Variants in TMEM74B observed in about 807,000 individuals in gnomAD.
TMEM74B encodes the protein transmembrane protein 74B.
Under a neutral mutation model 6.5 loss-of-function variants are expected in TMEM74B, and 7 were observed. The ratio of observed to expected loss-of-function variants is 1.07; its 90% confidence interval spans 0.61 to 2.01. The LOEUF (loss-of-function observed/expected upper bound fraction) is 2.01, where lower values mean the gene tolerates loss of function less well. TMEM74B is among the 30% of genes most tolerant of loss of function. The probability of loss-of-function intolerance (pLI) is 0.00; values close to 1 mark genes in which losing one functional copy is unlikely to be tolerated. For missense variants in TMEM74B, 342 were observed against 337.0 expected, an observed-to-expected ratio of 1.01 and a Z score of -0.12; for synonymous variants, 151 against 151.6, an observed-to-expected ratio of 1.00 and a Z score of 0.03.
chr20:1,182,978 C>T (rs960542795), intron 2 of TMEM74B, among the ~76,000 whole-genome samples: 6 of 152,198 alleles, frequency 3.9e-5, no homozygotes, highest in Admixed American at 2.0e-4. Context: ...TTGTAACACT[C>T]GCCTGGAGTT....
At chr20:1,188,411 T>TACACAC (rs71327492), upstream of TMEM74B, among the ~76,000 whole-genome samples, 2 of 145,902 alleles carry the variant, frequency 1.4e-5, no homozygotes, top group Admixed American at 6.9e-5. Context: ...AAAGAAATGC[T>TACACAC]ACACACACAC....
Position 1,184,096 on chromosome 20 carries a change from C to A in TMEM74B, c.-147-148G>T. ...TGCTCAGAAGTGGCCCCCACCCACA[C>A]CCTCAGCACCTTCCACCCAACTCAG... On this transcript the variant is annotated intron_variant, in intron 1 of 2. Transcript: ENST00000429036. This position sits in a 1 kb window ranked among gnomAD's most constrained non-coding sequence, Gnocchi z 6.0. 1 of 361,806 alleles carries A rather than the reference C, an allele frequency of 2.8e-6. No individual in the cohort carries two copies. Among genetic ancestry groups the A allele is most frequent in the South Asian group, 3.6e-5 (1 of 27,600 alleles). The allele number at this position is 361,806 out of a possible 1,614,324, so 22.4% of individuals were successfully genotyped here. A position where few individuals can be genotyped will look rare whatever the true frequency, so the allele number is the denominator to read the frequency against.
intron 2 of TMEM74B, among the ~76,000 whole-genome samples, chr20:1,183,298 GTGTGTGTGTGTGTGTGTT>G (rs1555769570): frequency 1.3e-5 from 2 of 149,828 alleles, no homozygotes; most frequent in Admixed American, 6.8e-5. Context: ...CTCTGTGTGT[GTGTGTGTGTGTGTGTGTT>G]TGTGTGTGTG....
At position 1,181,255 on chromosome 20, in the gene TMEM74B, C is replaced by G; in HGVS notation, c.364G>C (p.Gly122Arg). 1 of 1,614,058 alleles carries G rather than the reference C, an allele frequency of 6.2e-7. No homozygotes were observed. Among genetic ancestry groups the G allele is most frequent in the Non-Finnish European group, 8.5e-7 (1 of 1,179,980 alleles). ...LEPVSRPVDY[G>R]FVSALVFLVS... ...AGGAAAACGAGGGCGGAAACAAAGCCATAATCCACCGGGCGGCTCACGGGC... is the reference window on the plus strand; with the variant it reads ...AGGAAAACGAGGGCGGAAACAAAGCGATAATCCACCGGGCGGCTCACGGGC... Residue 122 changes from glycine to arginine, a missense_variant, in exon 3 of 3, where the codon GGC becomes CGC. Gly to Arg is a moderately radical substitution (Grantham distance 125, BLOSUM62 -2). Transcript: ENST00000429036. The surrounding 1 kb of genome is among the most constrained non-coding windows in gnomAD (Gnocchi z 4.9).
Position 1,181,065 on chromosome 20 carries a change from G to C in TMEM74B, c.554C>G (p.Thr185Arg). Reference sequence around the variant, plus strand: ...CACCGACAAGAGCATGCCGCCCACCGTGAGCAGCCCGAGGCCTGCGATGAT... The same window carrying C: ...CACCGACAAGAGCATGCCGCCCACCCTGAGCAGCCCGAGGCCTGCGATGAT... Reference protein sequence around the residue: ...RCIIAGLGLLTVGGMLLSVLL... With the variant: ...RCIIAGLGLLRVGGMLLSVLL... The change falls in exon 3 of 3, where the codon ACG becomes AGG. Residue 185 changes from threonine to arginine, a missense_variant. By Grantham distance (71) the Thr-to-Arg change is moderately conservative. Coordinates refer to ENST00000429036, the MANE Select transcript of TMEM74B (RefSeq NM_001304748.2). This position sits in a 1 kb window ranked among gnomAD's most constrained non-coding sequence, Gnocchi z 4.9. 6.2e-7 allele frequency: 1 copy of C among 1,613,644 alleles called. No individual in the cohort carries two copies. Among genetic ancestry groups the C allele is most frequent in the Non-Finnish European group, 8.5e-7 (1 of 1,179,888 alleles).
chr20:1,185,062 C>G (rs1355835167), upstream of TMEM74B: 1 of 152,232 alleles, frequency 6.6e-6, no homozygotes, highest in Non-Finnish European at 1.5e-5. Flanking sequence ...TCAGGCTCGC[C>G]GTCCTTCGCC....
At chr20:1,186,973 G>A (rs2122699256), upstream of TMEM74B, among the ~76,000 whole-genome samples, 1 of 152,350 alleles carries the variant, frequency 6.6e-6, no homozygotes, top group South Asian at 2.1e-4. Context: ...TGTAGGAAGT[G>A]TTATGGGAAT....
chr20:1,183,701 T>C, intron 2 of TMEM74B, 70 bp downstream of exon 2: 4 of 1,574,234 alleles, frequency 2.5e-6, no homozygotes, highest in Non-Finnish European at 3.5e-6. Flanking sequence ...CAAGATCCCA[T>C]GGCATGTATG....
upstream of TMEM74B, among the ~76,000 whole-genome samples, chr20:1,189,005 G>A (rs997982882): frequency 6.7e-5 from 10 of 149,064 alleles, no homozygotes; most frequent in Non-Finnish European, 9.0e-5. This position sits in a 1 kb window ranked among gnomAD's most constrained non-coding sequence, Gnocchi z 4.5. Context: ...GGGGGCGGGG[G>A]CAGGTGGGAA....
In TMEM74B at chr20:1,183,879, T is replaced by G; in HGVS notation, c.-78A>C. The stretch of plus-strand genomic sequence containing the variant: ...TTATCCAGCTGTTTATCAGCAACCG[T>G]GAGCACCTTGAGAGCAGGCATAAGT... On this transcript the variant is annotated 5_prime_UTR_variant, in exon 2 of 3. Coordinates refer to ENST00000429036, the MANE Select transcript of TMEM74B (RefSeq NM_001304748.2). The G allele has an allele frequency of 1.3e-6, 2 of 1,555,720 alleles. No individual in the cohort carries two copies. The highest frequency in any genetic ancestry group is 1.8e-6 in the Non-Finnish European group (2 of 1,134,464).
chr20:1,180,747 A>G lies in TMEM74B; in HGVS notation c.*101T>C. 1 of 1,476,290 alleles carries G rather than the reference A, an allele frequency of 6.8e-7. No homozygotes were observed. The highest frequency in any genetic ancestry group is 9.0e-7 in the Non-Finnish European group (1 of 1,108,472). The allele number at this position is 1,476,290 out of a possible 1,614,324, so 91.4% of individuals were successfully genotyped here. A position where few individuals can be genotyped will look rare whatever the true frequency, so the allele number is the denominator to read the frequency against. ...CTTCCACAAGGCCCTATGTGAGCTCAGTTTAAAACCCCAGGGCCTTGGCAG... is the reference window on the plus strand; with the variant it reads ...CTTCCACAAGGCCCTATGTGAGCTCGGTTTAAAACCCCAGGGCCTTGGCAG... On this transcript the variant is annotated 3_prime_UTR_variant, in exon 3 of 3. Coordinates refer to ENST00000429036, the MANE Select transcript of TMEM74B (RefSeq NM_001304748.2). The surrounding 1 kb of genome is among the most constrained non-coding windows in gnomAD (Gnocchi z 6.1).
Position 1,180,886 on chromosome 20 carries a change from G to A in TMEM74B, c.733C>T (p.Gln245Ter). The A allele has an allele frequency of 6.2e-7, 1 of 1,609,002 alleles. No individual in the cohort carries two copies. The highest frequency in any genetic ancestry group is 8.5e-7 in the Non-Finnish European group (1 of 1,176,926). Residue 245 changes from glutamine (Q) to a stop codon, truncating the protein, a stop_gained, in exon 3 of 3, where the codon CAG becomes TAG. Coordinates refer to ENST00000429036, the MANE Select transcript of TMEM74B (RefSeq NM_001304748.2). LOFTEE classifies it high-confidence loss of function. The surrounding 1 kb of genome is among the most constrained non-coding windows in gnomAD (Gnocchi z 6.1). The stretch of plus-strand genomic sequence containing the variant: ...AGGGTGTGGCTAGTCTCTGAGACCT[G>A]GACAACTTCATTCTCCACCAGGGCC... ...GQALVENEVVQVSETSHTLQR... is the reference protein window; with the variant it reads ...GQALVENEVV
At chr20:1,187,716 G>T (rs2087038008), upstream of TMEM74B, among the ~76,000 whole-genome samples, 1 of 152,188 alleles carries the variant, frequency 6.6e-6, no homozygotes, top group South Asian at 2.1e-4. Context: ...AAGACCTTGG[G>T]GTAGAAGGAA....
chr20:1,182,600 T>A (rs575640791), intron 2 of TMEM74B, among the ~76,000 whole-genome samples: 14 of 152,028 alleles, frequency 9.2e-5, no homozygotes, highest in Non-Finnish European at 1.5e-4. Context: ...GCCAAATGCC[T>A]TTATGTAAAC....
upstream of TMEM74B, chr20:1,189,317 G>A (rs746312086): frequency 6.6e-6 from 1 of 152,156 alleles, no homozygotes; most frequent in Admixed American, 6.5e-5. The surrounding 1 kb of genome is among the most constrained non-coding windows in gnomAD (Gnocchi z 4.5). Context: ...AAGACATAAC[G>A]ACTCAATGTA....
upstream of TMEM74B, among the ~76,000 whole-genome samples, chr20:1,185,629 C>A (rs1413973316): frequency 6.6e-6 from 1 of 151,962 alleles, no homozygotes. Flanking sequence ...CTCCCCTCCC[C>A]TCCAGGCAGA....
chr20:1,183,837 C>G lies in TMEM74B; in HGVS notation c.-36G>C. On this transcript the variant is annotated 5_prime_UTR_variant, in exon 2 of 3. Coordinates refer to ENST00000429036, the MANE Select transcript of TMEM74B (RefSeq NM_001304748.2). ...GCCTTCCCTGGCTCTGCATCCCTCA[C>G]TCATAGACTCTTCATTTTATCCAGC... is the stretch of plus-strand genomic sequence containing the variant. 1 of 1,612,426 alleles carries G rather than the reference C, an allele frequency of 6.2e-7. No homozygotes were observed. Among genetic ancestry groups the G allele is most frequent in the Non-Finnish European group, 8.5e-7 (1 of 1,179,390 alleles).
At chr20:1,187,356 G>T (rs940759488), upstream of TMEM74B, among the ~76,000 whole-genome samples, 2 of 152,168 alleles carry the variant, frequency 1.3e-5, no homozygotes, top group Non-Finnish European at 2.9e-5. Context: ...CCAGACACTA[G>T]AAAAGGGGCT....
upstream of TMEM74B, among the ~76,000 whole-genome samples, chr20:1,187,597 A>G (rs1301111698): frequency 6.6e-6 from 1 of 152,240 alleles, no homozygotes; most frequent in Admixed American, 6.5e-5. Context: ...GGGGATAGGA[A>G]TGGCTTCCTG....
Sources: allele counts gnomAD v4.1 joint callset (sites outside exome capture counted in the v4.1 genomes callset), GRCh38; gene constraint gnomAD v4.1.1; non-coding constraint Gnocchi (gnomAD v3.1); transcripts MANE v1.5; gene names NCBI Gene and HGNC (gene_info 2026-07-23, HGNC 2026-07-21).